PRKN: variants seen among roughly 807,000 people sequenced by gnomAD.
PRKN encodes the protein parkin RBR E3 ubiquitin protein ligase.
Under a neutral mutation model 59.5 loss-of-function variants are expected in PRKN, and 56 were observed. The ratio of observed to expected loss-of-function variants is 0.94; its 90% CI spans 0.76 to 1.18. The LOEUF (loss-of-function observed/expected upper bound fraction) is 1.18. Among genes scored for constraint, PRKN ranks in the 50% most tolerant of loss-of-function variants. The pLI is 0.00. For missense variants in PRKN, 657 were observed against 596.4 expected, an observed-to-expected ratio of 1.10 and a Z score of -1.06; for synonymous variants, 250 against 222.1, an observed-to-expected ratio of 1.13 and a Z score of -1.12.
At chr6:161,370,091 A>T in intron 10 of PRKN, 1 of 349,034 alleles carries the variant, frequency 2.9e-6, no homozygotes. Flanking sequence ...GAGTTTGTAC[A>T]CATGGAAAAG....
rs116139071 is a variant in PRKN, at chr6:161,425,274, A to G, written c.1084-38397T>C. Among the ~76,000 whole-genome samples, 554 of 152,280 alleles carry G rather than the reference A, an allele frequency of 3.6e-3. 4 individuals carry two copies. The highest frequency in any genetic ancestry group is 0.013 in the African/African-American group (534 of 41,540). The stretch of plus-strand genomic sequence containing the variant: ...AGCTTTCTACTGACTCGTGTTAGAG[A>G]GCAGTGGGCAAAGAGTACAAACTGC... On this transcript the variant is annotated intron_variant, in intron 9 of 11. Transcript: ENST00000366898.
intron 1 of PRKN, among the ~76,000 whole-genome samples, chr6:162,480,618 G>T (rs553687858): frequency 1.3e-5 from 2 of 151,970 alleles, no homozygotes; most frequent in East Asian, 3.9e-4. Flanking sequence ...GACGGGGACT[G>T]CTGCTGTGTT....
At chr6:162,691,585 T>C (rs1450369609) in intron 1 of PRKN, among the ~76,000 whole-genome samples, 2 of 152,186 alleles carry the variant, frequency 1.3e-5, no homozygotes, top group Non-Finnish European at 2.9e-5. Flanking sequence ...TGAATAACCC[T>C]TAAAGGATCA....
At chr6:161,946,414 A>ACACACACTCTCTCTCTCT (rs1247187053) in intron 6 of PRKN, among the ~76,000 whole-genome samples, 2 of 114,448 alleles carry the variant, frequency 1.7e-5, no homozygotes, top group African/African-American at 7.4e-5. Context: ...ACACACACAC[A>ACACACACTCTCTCTCTCT]CTCTCTCTCT....
intron 4 of PRKN, among the ~76,000 whole-genome samples, chr6:162,149,179 C>T (rs980043331): frequency 1.3e-5 from 2 of 152,072 alleles, no homozygotes; most frequent in African/African-American, 4.8e-5. Context: ...GCCAGGAAGG[C>T]TAGCTAGGCC....
chr6:162,070,601 T>C (rs1778535098), intron 4 of PRKN, among the ~76,000 whole-genome samples: 1 of 152,160 alleles, frequency 6.6e-6, no homozygotes, highest in Non-Finnish European at 1.5e-5. Context: ...TAGTTGTCTG[T>C]CATTGTCAAC....
At chr6:161,811,691 G>A (rs888898375) in intron 6 of PRKN, among the ~76,000 whole-genome samples, 2 of 152,178 alleles carry the variant, frequency 1.3e-5, no homozygotes, top group South Asian at 4.1e-4. Context: ...GGGAGGCCGA[G>A]GCGGGTGGAT....
intron 6 of PRKN, among the ~76,000 whole-genome samples, chr6:161,902,781 TC>T (rs1777983722): frequency 6.6e-6 from 1 of 152,052 alleles, no homozygotes; most frequent in African/African-American, 2.4e-5. Flanking sequence ...GGTCTCAAAC[TC>T]CTGTCCTCAA....
chr6:161,482,761 G>A (rs1010224922), intron 9 of PRKN, among the ~76,000 whole-genome samples: 1 of 152,090 alleles, frequency 6.6e-6, no homozygotes, highest in Non-Finnish European at 1.5e-5. Context: ...ATTGTTTCTG[G>A]GTCTTGTTTT....
In PRKN at chr6:161,386,829, T is replaced by C. The variant is rs748763421; in HGVS notation, c.1132A>G (p.Ser378Gly). 3.1e-6 allele frequency: 5 copies of C among 1,614,088 alleles called. No individual in the cohort carries two copies. The highest frequency in any genetic ancestry group is 4.2e-6 in the Non-Finnish European group (5 of 1,179,962). Residue 378 changes from serine to glycine, a missense_variant, in exon 10 of 12, where the codon AGT becomes GGT. Transcript: ENST00000366898. This position sits in a 1 kb window ranked among gnomAD's most constrained non-coding sequence, Gnocchi z 4.3. ...GTTCCTGAGGCTTCAAATACGGCACTGCACTCCCCTTCATGGTACGCTTCT... is the reference window on the plus strand; with the variant it reads ...GTTCCTGAGGCTTCAAATACGGCACCGCACTCCCCTTCATGGTACGCTTCT... ...CKEAYHEGEC[S>G]AVFEASGTTT...
intron 2 of PRKN, among the ~76,000 whole-genome samples, chr6:162,339,100 CGCCCCGTCTGAG>C (rs1784004928): frequency 6.7e-6 from 1 of 148,332 alleles, no homozygotes; most frequent in East Asian, 2.0e-4. Flanking sequence ...GACCGGCAGC[CGCCCCGTCTGAG>C]AAGTGAGGAG....
rs1446818705 is a variant in PRKN, at chr6:161,440,533, A to C, written c.1084-53656T>G. On this transcript the variant is annotated intron_variant, in intron 9 of 11. Coordinates refer to ENST00000366898, the MANE Select transcript of PRKN (RefSeq NM_004562.3). This position sits in a 1 kb window ranked among gnomAD's most constrained non-coding sequence, Gnocchi z 4.1. The stretch of plus-strand genomic sequence containing the variant: ...GGATAGATTGAATTGTTCTGCAAAG[A>C]CATGGTCGGCAGACACAGAGGGTTC... Among the ~76,000 whole-genome samples the C allele has an allele frequency of 6.6e-6, 1 of 152,184 alleles. No homozygotes were observed. The highest frequency in any genetic ancestry group is 1.5e-5 in the Non-Finnish European group (1 of 68,034).
rs941806587 is a variant in PRKN at position 161,447,184 on chromosome 6, C to T, written c.1084-60307G>A. On this transcript the variant is annotated intron_variant, in intron 9 of 11. Coordinates refer to ENST00000366898, the MANE Select transcript of PRKN (RefSeq NM_004562.3). The surrounding 1 kb of genome is among the most constrained non-coding windows in gnomAD (Gnocchi z 4.1). ...AGTTAAGTCCCCCTGTGAAGTTAAC[C>T]GAAAGCTGCTTTTTCACTCAGAGAA... Among the ~76,000 whole-genome samples, 2 of 152,090 alleles carry T rather than the reference C, an allele frequency of 1.3e-5. No individual in the cohort carries two copies. Among genetic ancestry groups the T allele is most frequent in the African/African-American group, 2.4e-5 (1 of 41,424 alleles).
chr6:162,286,923 G>A (rs1297230191), intron 2 of PRKN, among the ~76,000 whole-genome samples: 3 of 152,166 alleles, frequency 2.0e-5, no homozygotes, highest in Non-Finnish European at 2.9e-5. Context: ...GTAAAACCAC[G>A]TTGAACTGCT....
rs1778012196 is a variant in PRKN, at chr6:162,642,781, CAT to C, written c.7+84879_7+84880del. On this transcript the variant is annotated intron_variant, in intron 1 of 11. Transcript: ENST00000366898. The stretch of plus-strand genomic sequence containing the variant: ...AACCAATCTAATCAAAAATTCACCT[CAT>C]GTGAAGTCTTAAATTGTTTCTTTTT... 4.6e-5 allele frequency among the ~76,000 whole-genome samples: 7 copies of C among 151,958 alleles called. 1 individual carries two copies. Among genetic ancestry groups the C allele is most frequent in the Admixed American group, 4.6e-4 (7 of 15,258 alleles).
chr6:162,049,051 G>A (rs2128284033), intron 5 of PRKN, among the ~76,000 whole-genome samples: 1 of 152,200 alleles, frequency 6.6e-6, no homozygotes, highest in Non-Finnish European at 1.5e-5. Flanking sequence ...TTAGCATAAA[G>A]CTGAATTAGG....
chr6:162,352,077 G>A (rs1784648677), intron 2 of PRKN, among the ~76,000 whole-genome samples: 1 of 152,046 alleles, frequency 6.6e-6, no homozygotes, highest in Non-Finnish European at 1.5e-5. Flanking sequence ...GACTGAGCAG[G>A]GGACACAGAG....
intron 8 of PRKN, among the ~76,000 whole-genome samples, chr6:161,565,914 GT>G (rs1780623744): frequency 1.3e-5 from 2 of 152,058 alleles, no homozygotes; most frequent in Admixed American, 6.5e-5. Context: ...CTCCCCCACT[GT>G]TACCAGGCGG....
chr6:162,235,954 A>AAGGAAGG (rs1562602190), intron 3 of PRKN, among the ~76,000 whole-genome samples: 7 of 77,092 alleles, frequency 9.1e-5, no homozygotes, highest in Admixed American at 5.6e-4. Context: ...AGGAAGGAAG[A>AAGGAAGG]AAGGAAGAAA....
Sources: allele counts gnomAD v4.1 joint callset (sites outside exome capture counted in the v4.1 genomes callset), GRCh38; gene constraint gnomAD v4.1.1; non-coding constraint Gnocchi (gnomAD v3.1); transcripts MANE v1.5; gene names NCBI Gene and HGNC (gene_info 2026-07-23, HGNC 2026-07-21).